Variants in CACNA1D observed in about 807,000 individuals in gnomAD.
The protein encoded by CACNA1D is voltage-dependent L-type calcium channel subunit alpha-1D.
A neutral mutation model predicts 257.1 loss-of-function variants in CACNA1D; 55 were observed. That is an observed-to-expected ratio of 0.21 (90% confidence interval 0.17 to 0.27). The LOEUF (loss-of-function observed/expected upper bound fraction) is 0.27, where lower values mean the gene tolerates loss of function less well. CACNA1D is among the 10% of genes least tolerant of loss of function. The probability of loss-of-function intolerance (pLI) is 1.00; values close to 1 mark genes in which losing one functional copy is unlikely to be tolerated. For missense variants in CACNA1D, 1,876 were observed against 2,784.0 expected (o/e 0.67, Z 7.34); for synonymous variants, 980 against 1,014.9 (o/e 0.97, Z 0.65).
At chr3:53,709,602 G>T (rs1351549302) in intron 9 of CACNA1D, among the ~76,000 whole-genome samples, 1 of 152,196 alleles carries the variant, frequency 6.6e-6, no homozygotes, top group African/African-American at 2.4e-5. Context: ...TCCTGCTGCT[G>T]TCTCACACTG....
rs538996336 is a variant in CACNA1D, at chr3:53,538,141, GTTTTTTTTTTTTTTT to G, written c.483+36433_483+36447del. On this transcript the variant is annotated intron_variant, in intron 3 of 47. Transcript: ENST00000350061. ...TTCTCCATATTTACCAGTTTTTGAAGTTTTTTTTTTTTTTTTTTTTTTTTTTGACAGAGTCTCGTT... is the reference window on the plus strand; with the variant it reads ...TTCTCCATATTTACCAGTTTTTGAAGTTTTTTTTTTTGACAGAGTCTCGTT... Among the ~76,000 whole-genome samples, 16 of 90,468 alleles carry G rather than the reference GTTTTTTTTTTTTTTT, an allele frequency of 1.8e-4. No homozygotes were observed. The South Asian group carries it at 3.3e-3, about 19-fold the overall frequency. 59.4% of individuals were successfully genotyped at this position (90,468 alleles called of 152,430 possible). A position where few individuals can be genotyped will look rare whatever the true frequency, so the allele number is the denominator to read the frequency against.
chr3:53,529,796 T>A (rs932672804), intron 3 of CACNA1D, among the ~76,000 whole-genome samples: 1 of 152,176 alleles, frequency 6.6e-6, no homozygotes, highest in East Asian at 1.9e-4. Context: ...ATTAGCAAAA[T>A]TTCTTTTATC....
chr3:53,646,099 G>A (rs141157094), intron 3 of CACNA1D, among the ~76,000 whole-genome samples: 34 of 152,344 alleles, frequency 2.2e-4, no homozygotes, highest in African/African-American at 7.2e-4. Context: ...AGCAGGGACG[G>A]CAAAGACATG....
chr3:53,775,960 A>C lies in CACNA1D; in HGVS notation c.4277A>C (p.Asp1426Ala). The C allele has an allele frequency of 2.5e-6, 4 of 1,614,178 alleles. No individual in the cohort carries two copies. The highest frequency in any genetic ancestry group is 3.4e-6 in the Non-Finnish European group (4 of 1,179,980). Residue 1426 changes from aspartate to alanine, a missense_variant, in exon 35 of 48, where the codon GAT becomes GCT. Physicochemically the swap from Asp to Ala is moderately radical, Grantham distance 126 (BLOSUM62 -2). Around this residue, in one of 10 missense-constraint regions of CACNA1D, gnomAD observed 83 missense variants for 210.7 expected, o/e 0.39. Coordinates refer to ENST00000350061, the MANE Select transcript of CACNA1D (RefSeq NM_001128840.3). ...GGGAAGCTCTGTGACCCTGAGTCAG[A>C]TTACAACCCCGGGGAGGAGTATACA... ...LPGKLCDPESDYNPGEEYTCG... is the reference protein window; with the variant it reads ...LPGKLCDPESAYNPGEEYTCG...
At chr3:53,741,370 G>A (rs141381551) in intron 21 of CACNA1D, among the ~76,000 whole-genome samples, 31 of 152,208 alleles carry the variant, frequency 2.0e-4, no homozygotes, top group Middle Eastern at 3.4e-3. Context: ...ATTTTGCATC[G>A]GACTACTGTG....
chr3:53,514,547 C>T (rs943018663), intron 3 of CACNA1D, among the ~76,000 whole-genome samples: 33 of 152,310 alleles, frequency 2.2e-4, no homozygotes, highest in African/African-American at 7.9e-4. Flanking sequence ...TCTGCATCTG[C>T]TCTTTCTCTG....
chr3:53,544,232 C>T (rs1222083895), intron 3 of CACNA1D, among the ~76,000 whole-genome samples: 1 of 151,998 alleles, frequency 6.6e-6, no homozygotes, highest in Non-Finnish European at 1.5e-5. Context: ...CTCTCCTTCC[C>T]CAATTAAGAC....
chr3:53,811,669 A>G lies in CACNA1D; in HGVS notation c.*263A>G. ...CCCGCCCTCTCACAGAGGATGGGTG[A>G]GGAGGCCAGACCTGCCCTGCCCCAT... On this transcript the variant is annotated 3_prime_UTR_variant, in exon 48 of 48. Transcript: ENST00000350061. This position sits in a 1 kb window ranked among gnomAD's most constrained non-coding sequence, Gnocchi z 4.2. The G allele has an allele frequency of 2.7e-6, 1 of 374,714 alleles. No individual in the cohort carries two copies. The highest frequency in any genetic ancestry group is 4.8e-6 in the Non-Finnish European group (1 of 207,362). 23.2% of individuals were successfully genotyped at this position (374,714 alleles called of 1,614,324 possible). A position where few individuals can be genotyped will look rare whatever the true frequency, so the allele number is the denominator to read the frequency against.
intron 6 of CACNA1D, 108 bp from the exon 7 acceptor site, chr3:53,666,231 T>G: frequency 1.0e-6 from 1 of 995,980 alleles, no homozygotes; most frequent in Non-Finnish European, 1.6e-6. Flanking sequence ...GCAACGCAGA[T>G]GGGGCGGTAG....
chr3:53,660,120 T>C lies in CACNA1D; in HGVS notation c.624-13T>C. The stretch of plus-strand genomic sequence containing the variant: ...ACAGACTCTAACATTTCTTTCTCTT[T>C]CTCTTCTTTCAGATTGTTTAGTGTA... On this transcript the variant is annotated splice_polypyrimidine_tract_variant and intron_variant, in intron 4 of 47. Coordinates refer to ENST00000350061, the MANE Select transcript of CACNA1D (RefSeq NM_001128840.3). 1 of 1,612,680 alleles carries C rather than the reference T, an allele frequency of 6.2e-7. No homozygotes were observed. The highest frequency in any genetic ancestry group is 2.2e-5 in the East Asian group (1 of 44,874).
chr3:53,722,233 C>G, intron 11 of CACNA1D, 81 bp from the exon 12 acceptor site: 2 of 1,536,336 alleles, frequency 1.3e-6, no homozygotes, highest in South Asian at 2.2e-5. Context: ...GAGTGAAAGC[C>G]AAATTATCTC....
At chr3:53,779,179 T>C (rs1345130290) in intron 37 of CACNA1D, among the ~76,000 whole-genome samples, 1 of 152,186 alleles carries the variant, frequency 6.6e-6, no homozygotes, top group Non-Finnish European at 1.5e-5. Context: ...AATGGAGGTC[T>C]GACCCTAAGA....
chr3:53,805,887 G>T (rs1183673916), intron 45 of CACNA1D, among the ~76,000 whole-genome samples: 5 of 39,182 alleles, frequency 1.3e-4, no homozygotes, highest in Admixed American at 3.9e-4. Context: ...TCCTCCTCCC[G>T]CATCTTCTCC....
At chr3:53,711,504 G>A (rs1322654139) in intron 9 of CACNA1D, among the ~76,000 whole-genome samples, 2 of 152,218 alleles carry the variant, frequency 1.3e-5, no homozygotes, top group East Asian at 1.9e-4. Context: ...ACAAAGCTTT[G>A]CCTATGCACA....
intron 3 of CACNA1D, among the ~76,000 whole-genome samples, chr3:53,643,144 T>A (rs190926867): frequency 7.7e-4 from 117 of 152,324 alleles, no homozygotes; most frequent in African/African-American, 2.8e-3. Flanking sequence ...ATGTGTACTT[T>A]TAAACCGAAG....
intron 8 of CACNA1D, among the ~76,000 whole-genome samples, chr3:53,686,439 C>A (rs920388604): frequency 1.3e-5 from 2 of 151,884 alleles, no homozygotes; most frequent in African/African-American, 4.8e-5. Context: ...CACAAAAATT[C>A]TCAAATATTA....
intron 3 of CACNA1D, among the ~76,000 whole-genome samples, chr3:53,573,245 G>A (rs772755811): frequency 5.3e-5 from 8 of 152,008 alleles, no homozygotes; most frequent in African/African-American, 1.9e-4. Flanking sequence ...CCAACTGCTG[G>A]CAGGAAAGGG....
chr3:53,592,914 C>T (rs922706216), intron 3 of CACNA1D, among the ~76,000 whole-genome samples: 1 of 152,286 alleles, frequency 6.6e-6, no homozygotes, highest in African/African-American at 2.4e-5. Flanking sequence ...GTCTTGAACT[C>T]CTGACCTCAG....
chr3:53,722,268 G>T (rs749132070), intron 11 of CACNA1D, 46 bp from the exon 12 acceptor site: 2 of 1,607,636 alleles, frequency 1.2e-6, no homozygotes, highest in Admixed American at 1.7e-5. Flanking sequence ...TGGATACTCA[G>T]ATGCTGTATC....
Sources: gnomAD v4.1 joint callset for allele counts (sites outside exome capture counted in the v4.1 genomes callset) on GRCh38, gnomAD v4.1.1 for gene constraint, gnomAD v4.1.1 regional missense constraint, Gnocchi (gnomAD v3.1) non-coding constraint, MANE v1.5 for transcripts, NCBI Gene and HGNC (gene_info 2026-07-23, HGNC 2026-07-21) for gene names.